ARHGAP17: variants seen among roughly 807,000 people sequenced by gnomAD.
ARHGAP17 encodes Rho GTPase activating protein 17.
In ARHGAP17, 57 loss-of-function variants were observed where a neutral mutation model predicts 99.5. That is an observed-to-expected ratio of 0.57 (90% CI 0.46 to 0.71). The LOEUF is 0.71. Among genes scored for constraint, ARHGAP17 ranks in the 30% least tolerant of loss-of-function variants. The probability of loss-of-function intolerance (pLI) is 0.00; values close to 1 mark genes in which losing one functional copy is unlikely to be tolerated. For synonymous variants in ARHGAP17, 417 were observed against 429.6 expected, an observed-to-expected ratio of 0.97 and a Z score of 0.36; for missense variants, 1,000 against 1,122.4, an observed-to-expected ratio of 0.89 and a Z score of 1.56.
chr16:25,011,396 C>T (rs1000605077), intron 1 of ARHGAP17, among the ~76,000 whole-genome samples: 2 of 152,162 alleles, frequency 1.3e-5, no homozygotes, highest in Admixed American at 6.5e-5. Flanking sequence ...CCAGTGGACA[C>T]AGTGCCTACC....
intron 19 of ARHGAP17, chr16:24,920,729 C>T (rs1360107911): frequency 6.4e-6 from 1 of 156,960 alleles, no homozygotes; most frequent in Non-Finnish European, 1.4e-5. Context: ...TTGTGGTTGT[C>T]CTGTGCATTG....
intron 1 of ARHGAP17, among the ~76,000 whole-genome samples, chr16:25,012,818 G>C (rs1282834411): frequency 5.3e-5 from 8 of 152,286 alleles, no homozygotes; most frequent in African/African-American, 1.7e-4. Flanking sequence ...TAGCAATAAA[G>C]ATTTTTAAAG....
chr16:24,997,272 A>G (rs2053222476), intron 1 of ARHGAP17, among the ~76,000 whole-genome samples: 1 of 152,116 alleles, frequency 6.6e-6, no homozygotes, highest in Admixed American at 6.5e-5. Context: ...CGCCCAGTAC[A>G]CACCCAGACT....
chr16:24,961,830 G>A (rs568186438), intron 7 of ARHGAP17, among the ~76,000 whole-genome samples: 1 of 149,188 alleles, frequency 6.7e-6, no homozygotes, highest in African/African-American at 2.5e-5. Context: ...CACTGCACCT[G>A]GCCAAAAAGA....
Position 24,942,183 on chromosome 16 carries a change from C to T in ARHGAP17, c.1334-40G>A, listed in dbSNP as rs190298530. ...ATAAACAAGTGCATGAGACACTGAG[C>T]ACAGCAGGCGAGGGAGCTCTAAGAC... On this transcript the variant is annotated intron_variant, in intron 15 of 19. Transcript: ENST00000289968. 9.2e-5 allele frequency: 144 copies of T among 1,569,894 alleles called. No individual in the cohort carries two copies. In the African/African-American group the frequency reaches 1.8e-3, roughly 20 times the overall value.
chr16:24,927,784 T>A, intron 19 of ARHGAP17: 2 of 802,926 alleles, frequency 2.5e-6, no homozygotes, highest in Non-Finnish European at 3.4e-6. Context: ...CTAAAATCTA[T>A]TACTTCAAAA....
At chr16:24,956,179 T>C (rs981885778) in intron 9 of ARHGAP17, 3 of 152,264 alleles carry the variant, frequency 2.0e-5, no homozygotes, top group Non-Finnish European at 2.9e-5. Context: ...ACACCCGCCA[T>C]TGCCTTCACC....
chr16:25,010,247 T>G (rs1335965130), intron 1 of ARHGAP17, among the ~76,000 whole-genome samples: 1 of 152,036 alleles, frequency 6.6e-6, no homozygotes, highest in African/African-American at 2.4e-5. Flanking sequence ...TAGTTTTCTG[T>G]ATTTTTTGTA....
intron 1 of ARHGAP17, among the ~76,000 whole-genome samples, chr16:24,982,989 T>TACAC (rs1798420430): frequency 6.5e-5 from 2 of 30,642 alleles, no homozygotes; most frequent in African/African-American, 3.1e-4. Context: ...TATATATATA[T>TACAC]ATATATATTT....
At chr16:24,989,595 G>C (rs747150707) in intron 1 of ARHGAP17, among the ~76,000 whole-genome samples, 11 of 152,038 alleles carry the variant, frequency 7.2e-5, no homozygotes, top group Non-Finnish European at 1.3e-4. Flanking sequence ...CTTTGGGGGT[G>C]GGGGGAATGG....
chr16:24,983,373 C>T (rs1852323039), intron 1 of ARHGAP17, among the ~76,000 whole-genome samples: 1 of 151,626 alleles, frequency 6.6e-6, no homozygotes, highest in Admixed American at 6.6e-5. Flanking sequence ...CTGATCACAG[C>T]TCACAGCAGC....
At chr16:24,926,591 A>G (rs1376382884) in intron 19 of ARHGAP17, among the ~76,000 whole-genome samples, 2 of 152,232 alleles carry the variant, frequency 1.3e-5, no homozygotes, top group African/African-American at 4.8e-5. Context: ...GGCATTACTT[A>G]CATGACATAA....
In ARHGAP17 at chr16:24,959,710, C is replaced by G. The variant is rs757828701; in HGVS notation, c.685G>C (p.Val229Leu). The change falls in exon 9 of 20, where the codon GTC becomes CTC. Residue 229 changes from valine (V) to leucine (L), a missense_variant. Transcript: ENST00000289968. ...ATTTCGGGGAGGGTCTTTTCTAAGACTGCTAATGCTTTTCTATGGTAATCT... is the reference window on the plus strand; with the variant it reads ...ATTTCGGGGAGGGTCTTTTCTAAGAGTGCTAATGCTTTTCTATGGTAATCT... The part of the protein sequence containing the change: ...QADYHRKALA[V>L]LEKTLPEMRA... The G allele has an allele frequency of 6.2e-7, 1 of 1,613,984 alleles. No homozygotes were observed. The highest frequency in any genetic ancestry group is 1.3e-5 in the African/African-American group (1 of 74,878).
At chr16:25,002,498 C>T (rs1474890626) in intron 1 of ARHGAP17, among the ~76,000 whole-genome samples, 2 of 152,120 alleles carry the variant, frequency 1.3e-5, no homozygotes, top group East Asian at 1.9e-4. Flanking sequence ...AACCTTTTGC[C>T]GAAAAGAGTT....
At chr16:24,987,511 G>C (rs2052908288) in intron 1 of ARHGAP17, among the ~76,000 whole-genome samples, 1 of 152,170 alleles carries the variant, frequency 6.6e-6, no homozygotes, top group Non-Finnish European at 1.5e-5. Flanking sequence ...TTCAGAGGTT[G>C]AGAGACGCTG....
intron 18 of ARHGAP17, among the ~76,000 whole-genome samples, chr16:24,932,183 T>C (rs1428330788): frequency 6.6e-6 from 1 of 151,810 alleles, no homozygotes; most frequent in Non-Finnish European, 1.5e-5. Flanking sequence ...AAATGTGCCA[T>C]GGTCATGTAA....
chr16:24,984,498 C>CA (rs201880548), intron 1 of ARHGAP17, among the ~76,000 whole-genome samples: 4,242 of 148,948 alleles, frequency 0.028, 107 homozygotes, highest in East Asian at 0.088. Flanking sequence ...ACTAAAAATA[C>CA]AAAAAAAAAA....
intron 4 of ARHGAP17, among the ~76,000 whole-genome samples, chr16:24,970,212 C>T (rs1045159129): frequency 6.6e-5 from 10 of 152,192 alleles, no homozygotes; most frequent in Admixed American, 4.6e-4. Context: ...ACAGAAGGGA[C>T]CACATTCTTT....
intron 18 of ARHGAP17, 34 bp from the exon 19 acceptor site, chr16:24,931,438 G>C: frequency 1.3e-6 from 2 of 1,492,532 alleles, no homozygotes; most frequent in Non-Finnish European, 1.8e-6. Flanking sequence ...CTTTCAGTAG[G>C]AACAGTGAGG....
Sources: gnomAD v4.1 joint callset for allele counts (sites outside exome capture counted in the v4.1 genomes callset) on GRCh38, gnomAD v4.1.1 for gene constraint, MANE v1.5 for transcripts, NCBI Gene and HGNC (gene_info 2026-07-23, HGNC 2026-07-21) for gene names.